Variants in BCAS3 observed in about 807,000 individuals in gnomAD.
The protein encoded by BCAS3 is BCAS4/BCAS3 fusion.
BCAS3 carries 53 observed loss-of-function variants against 116.1 expected under a neutral mutation model. The observed-to-expected ratio is 0.46, with a 90% CI of 0.37 to 0.57. The LOEUF is 0.57. Among genes scored for constraint, BCAS3 ranks in the 20% least tolerant of loss-of-function variants. BCAS3 has a pLI of 0.00. For synonymous variants in BCAS3, 391 were observed against 408.2 expected, an observed-to-expected ratio of 0.96 and a Z score of 0.51; for missense variants, 917 against 1,165.4, an observed-to-expected ratio of 0.79 and a Z score of 3.10.
rs2065766625 is a variant in BCAS3 at position 61,020,088 on chromosome 17, C to T, written c.1637+4187C>T. Among the ~76,000 whole-genome samples, 1 of 152,236 alleles carries T rather than the reference C, an allele frequency of 6.6e-6. No homozygotes were observed. The highest frequency in any genetic ancestry group is 3.4e-3 in the Middle Eastern group (1 of 294). On this transcript the variant is annotated intron_variant, in intron 16 of 23. Coordinates refer to ENST00000407086, the MANE Select transcript of BCAS3 (RefSeq NM_017679.5). This position sits in a 1 kb window ranked among gnomAD's most constrained non-coding sequence, Gnocchi z 4.5. ...TCATCTATGTCCGAGGTATTTTGCACATGGTCATAAAATAACCATAAAGTG... is the reference window on the plus strand; with the variant it reads ...TCATCTATGTCCGAGGTATTTTGCATATGGTCATAAAATAACCATAAAGTG...
chr17:61,323,008 G>A lies in BCAS3; in HGVS notation c.2426-45319G>A, dbSNP rs2055433352. 6.6e-6 allele frequency among the ~76,000 whole-genome samples: 1 copy of A among 151,882 alleles called. No individual in the cohort carries two copies. The highest frequency in any genetic ancestry group is 1.5e-5 in the Non-Finnish European group (1 of 67,982). ...CGCCTTCCTTTTTTTTTAAAGGCGT[G>A]TTGTGGCTATTTTGATGCCTTTTGA... On this transcript the variant is annotated intron_variant, in intron 22 of 23. Transcript: ENST00000407086. This position sits in a 1 kb window ranked among gnomAD's most constrained non-coding sequence, Gnocchi z 4.6.
chr17:60,935,589 C>T (rs1486834012), intron 13 of BCAS3, among the ~76,000 whole-genome samples: 7 of 152,062 alleles, frequency 4.6e-5, no homozygotes, highest in Admixed American at 2.6e-4. Flanking sequence ...GTAATCAAAC[C>T]TAATTTCCAG....
At chr17:60,821,716 CCTT>C (rs2049986454) in intron 7 of BCAS3, 1 of 151,534 alleles carries the variant, frequency 6.6e-6, no homozygotes, top group South Asian at 2.1e-4. Context: ...GACAGAGACT[CCTT>C]CTGTCACCCA....
At chr17:60,930,269 C>G (rs189970530) in intron 13 of BCAS3, among the ~76,000 whole-genome samples, 17 of 152,194 alleles carry the variant, frequency 1.1e-4, no homozygotes, top group African/African-American at 3.6e-4. Flanking sequence ...TGTAATATGG[C>G]TAATAAAAAC....
chr17:61,026,728 A>G lies in BCAS3; in HGVS notation c.1638-7938A>G. ...TTATTGGTTATATCAGACAGTATGT[A>G]CAGCAGAATTGTAAATGATTACTAA... On this transcript the variant is annotated intron_variant, in intron 16 of 23. Transcript: ENST00000407086. The surrounding 1 kb of genome is among the most constrained non-coding windows in gnomAD (Gnocchi z 5.0). The G allele has an allele frequency of 1.3e-6, 1 of 777,920 alleles. No homozygotes were observed. The allele number at this position is 777,920 out of a possible 1,614,324, so 48.2% of individuals were successfully genotyped here.
chr17:61,262,308 A>G (rs1414282821), intron 22 of BCAS3, among the ~76,000 whole-genome samples: 2 of 152,216 alleles, frequency 1.3e-5, no homozygotes, highest in African/African-American at 4.8e-5. Context: ...CTTTACAGGA[A>G]ATGTATAAGG....
intron 10 of BCAS3, among the ~76,000 whole-genome samples, chr17:60,889,992 T>C (rs2057023714): frequency 6.6e-6 from 1 of 152,236 alleles, no homozygotes; most frequent in Non-Finnish European, 1.5e-5. Context: ...TGTAGAACCT[T>C]AATTGTTTTA....
chr17:60,854,467 T>C (rs1050371075), intron 7 of BCAS3, among the ~76,000 whole-genome samples: 2 of 152,116 alleles, frequency 1.3e-5, no homozygotes, highest in Admixed American at 6.5e-5. Context: ...CCTTGAGGAA[T>C]GGGCACACTG....
rs769341413 is a variant in BCAS3 at position 61,034,711 on chromosome 17, C to T, written c.1683C>T (p.Gly561=). The change falls in exon 17 of 24, where the codon GGC becomes GGT. Residue 561 remains glycine (G), a synonymous_variant. Coordinates refer to ENST00000407086, the MANE Select transcript of BCAS3 (RefSeq NM_017679.5). This position sits in a 1 kb window ranked among gnomAD's most constrained non-coding sequence, Gnocchi z 5.0. The part of the protein sequence containing the change: ...PPQISPSKSM[G]GEFCVAAIFG... ...AAATTTCACCCAGCAAATCGATGGG[C>T]GGAGAATTTTGTGTGGCTGCTATCT... 27 of 1,611,760 alleles carry T rather than the reference C, an allele frequency of 1.7e-5. No homozygotes were observed. Among genetic ancestry groups the T allele is most frequent in the Admixed American group, 6.7e-5 (4 of 59,916 alleles).
At position 61,181,892 on chromosome 17, in the gene BCAS3, G is replaced by C. The variant is rs1601768639; in HGVS notation, c.2425+97328G>C. Among the ~76,000 whole-genome samples, 1 of 143,548 alleles carries C rather than the reference G, an allele frequency of 7.0e-6. No homozygotes were observed. Among genetic ancestry groups the C allele is most frequent in the South Asian group, 2.2e-4 (1 of 4,488 alleles). 94.2% of individuals were successfully genotyped at this position (143,548 alleles called of 152,430 possible). A position where few individuals can be genotyped will look rare whatever the true frequency, so the allele number is the denominator to read the frequency against. On this transcript the variant is annotated intron_variant, in intron 22 of 23. Transcript: ENST00000407086. This position sits in a 1 kb window ranked among gnomAD's most constrained non-coding sequence, Gnocchi z 5.0. Reference sequence around the variant, plus strand: ...TTTCCTTCTTTTTTTTTTTAATCTTGAGACACGGTCTCACTCCGCTGCCCA... The same window carrying C: ...TTTCCTTCTTTTTTTTTTTAATCTTCAGACACGGTCTCACTCCGCTGCCCA...
At chr17:60,908,323 C>T (rs1327279364) in intron 11 of BCAS3, among the ~76,000 whole-genome samples, 1 of 152,048 alleles carries the variant, frequency 6.6e-6, no homozygotes, top group Admixed American at 6.6e-5. Context: ...TTTATGTGCT[C>T]CAGTTCTTTT....
chr17:61,150,002 A>G (rs1228333597), intron 22 of BCAS3, among the ~76,000 whole-genome samples: 2 of 152,170 alleles, frequency 1.3e-5, no homozygotes, highest in South Asian at 4.1e-4. Flanking sequence ...GACTTAGATG[A>G]ATATCAGGTG....
At chr17:60,695,429 T>G (rs1238341192) in intron 4 of BCAS3, among the ~76,000 whole-genome samples, 1 of 152,172 alleles carries the variant, frequency 6.6e-6, no homozygotes, top group Non-Finnish European at 1.5e-5. Context: ...ACATTTTATT[T>G]TATTCATTCA....
intron 6 of BCAS3, among the ~76,000 whole-genome samples, chr17:60,792,965 A>G (rs2046906031): frequency 6.6e-6 from 1 of 151,262 alleles, no homozygotes; most frequent in Non-Finnish European, 1.5e-5. Flanking sequence ...ACTGTGTTAG[A>G]TATCTCATCT....
Position 61,083,938 on chromosome 17 carries a change from C to T in BCAS3, c.2328-529C>T, listed in dbSNP as rs957351160. Among the ~76,000 whole-genome samples, 35 of 152,188 alleles carry T rather than the reference C, an allele frequency of 2.3e-4. No individual in the cohort carries two copies. The highest frequency in any genetic ancestry group is 7.7e-4 in the African/African-American group (32 of 41,524). ...TAGCTCAGTTAGTAGTGACCCACCC[C>T]GGCCACAGTACATCTTTGTTATCCT... On this transcript the variant is annotated intron_variant, in intron 21 of 23. Coordinates refer to ENST00000407086, the MANE Select transcript of BCAS3 (RefSeq NM_017679.5). This position sits in a 1 kb window ranked among gnomAD's most constrained non-coding sequence, Gnocchi z 4.9.
chr17:60,686,185 C>G (rs1205672926), intron 3 of BCAS3, among the ~76,000 whole-genome samples: 2 of 152,052 alleles, frequency 1.3e-5, no homozygotes, highest in Non-Finnish European at 2.9e-5. Flanking sequence ...GACATTTTTT[C>G]TACTGTTTGG....
rs1328040462 is a variant in BCAS3, at chr17:61,229,138, C to A, written c.2426-139189C>A. 1.2e-4 allele frequency among the ~76,000 whole-genome samples: 19 copies of A among 152,188 alleles called. No individual in the cohort carries two copies. Among genetic ancestry groups the A allele is most frequent in the Admixed American group, 1.2e-3 (19 of 15,282 alleles). On this transcript the variant is annotated intron_variant, in intron 22 of 23. Transcript: ENST00000407086. The surrounding 1 kb of genome is among the most constrained non-coding windows in gnomAD (Gnocchi z 4.4). ...AAGCAATCCTCTTGCCTCGGCCTCCCAAAGTGCTGGGATTACTGATGTGAG... is the reference window on the plus strand; with the variant it reads ...AAGCAATCCTCTTGCCTCGGCCTCCAAAAGTGCTGGGATTACTGATGTGAG...
intron 16 of BCAS3, 66 bp downstream of exon 16, chr17:61,015,967 CAT>C: frequency 6.8e-7 from 1 of 1,465,702 alleles, no homozygotes; most frequent in Non-Finnish European, 9.4e-7. Flanking sequence ...AAAAATAAAA[CAT>C]ACTTTTTCTT....
intron 19 of BCAS3, among the ~76,000 whole-genome samples, chr17:61,067,740 A>AAAAAT (rs1555697139): frequency 5.2e-5 from 7 of 133,748 alleles, no homozygotes; most frequent in African/African-American, 1.7e-4. Context: ...AAAAAAAAAA[A>AAAAAT]ATATATATAT....
Sources: gnomAD v4.1 joint callset for allele counts (sites outside exome capture counted in the v4.1 genomes callset) on GRCh38, gnomAD v4.1.1 for gene constraint, Gnocchi (gnomAD v3.1) non-coding constraint, MANE v1.5 for transcripts, NCBI Gene and HGNC (gene_info 2026-07-23, HGNC 2026-07-21) for gene names.